ITFG1: variants seen among roughly 807,000 people sequenced by gnomAD.
ITFG1 encodes integrin alpha FG-GAP repeat containing 1, also known as T-cell immunomodulatory protein.
Under a neutral mutation model 81.8 loss-of-function variants are expected in ITFG1, and 34 were observed. That is an observed-to-expected ratio of 0.42 (90% CI 0.32 to 0.55). ITFG1 has a LOEUF of 0.55. ITFG1 is among the 20% of genes least tolerant of loss of function. ITFG1 has a pLI of 0.17. For synonymous variants in ITFG1, 285 were observed against 270.6 expected, an observed-to-expected ratio of 1.05 and a Z score of -0.52; for missense variants, 672 against 755.4, an observed-to-expected ratio of 0.89 and a Z score of 1.29.
intron 5 of ITFG1, among the ~76,000 whole-genome samples, chr16:47,441,243 C>G (rs1391944805): frequency 6.6e-6 from 1 of 152,128 alleles, no homozygotes; most frequent in Non-Finnish European, 1.5e-5. Flanking sequence ...CAAATTCTAC[C>G]AGAGGTACAA....
chr16:47,358,147 C>T (rs1307285220), intron 8 of ITFG1, among the ~76,000 whole-genome samples: 1 of 152,212 alleles, frequency 6.6e-6, no homozygotes, highest in Non-Finnish European at 1.5e-5. Context: ...CACCTCACCA[C>T]TTTGGGTGCT....
chr16:47,423,446 T>C (rs996290579), intron 6 of ITFG1, among the ~76,000 whole-genome samples: 1 of 152,170 alleles, frequency 6.6e-6, no homozygotes, highest in Admixed American at 6.5e-5. Context: ...AAGATTGATA[T>C]TGTTATGTCT....
At chr16:47,362,460 T>C (rs1309259021) in intron 8 of ITFG1, among the ~76,000 whole-genome samples, 2 of 152,250 alleles carry the variant, frequency 1.3e-5, no homozygotes, top group Non-Finnish European at 2.9e-5. Flanking sequence ...AAAATTGTTC[T>C]ACTATTTCCC....
At chr16:47,265,053 A>G (rs1288930543) in intron 10 of ITFG1, among the ~76,000 whole-genome samples, 3 of 152,122 alleles carry the variant, frequency 2.0e-5, no homozygotes, top group Non-Finnish European at 4.4e-5. Flanking sequence ...AATACATTGT[A>G]AAGTGTTCAG....
intron 7 of ITFG1, among the ~76,000 whole-genome samples, chr16:47,371,709 C>T (rs1455336465): frequency 6.6e-6 from 1 of 152,096 alleles, no homozygotes; most frequent in African/African-American, 2.4e-5. Context: ...GAACATCTGG[C>T]AATGTCTGCA....
At chr16:47,206,826 T>C (rs1161749905) in intron 14 of ITFG1, among the ~76,000 whole-genome samples, 2 of 152,194 alleles carry the variant, frequency 1.3e-5, no homozygotes, top group South Asian at 2.1e-4. Flanking sequence ...TGCTGGCATC[T>C]TGTGCCTGAA....
intron 10 of ITFG1, among the ~76,000 whole-genome samples, chr16:47,305,505 G>GA (rs1202114130): frequency 4.0e-5 from 6 of 151,252 alleles, no homozygotes; most frequent in African/African-American, 7.3e-5. Flanking sequence ...AATTAACTAA[G>GA]AAAAAAAACC....
At chr16:47,328,004 C>G (rs879180331) in intron 8 of ITFG1, among the ~76,000 whole-genome samples, 1 of 152,046 alleles carries the variant, frequency 6.6e-6, no homozygotes, top group Non-Finnish European at 1.5e-5. Flanking sequence ...AATAATGCTG[C>G]TATAGACACA....
intron 14 of ITFG1, among the ~76,000 whole-genome samples, chr16:47,188,358 C>T (rs919066693): frequency 3.0e-4 from 46 of 151,762 alleles, no homozygotes; most frequent in Admixed American, 6.6e-4. Context: ...GACTTGGAAC[C>T]AACCCAAATG....
chr16:47,454,352 T>C (rs1248860988), intron 2 of ITFG1, among the ~76,000 whole-genome samples, 194 bp from the exon 3 acceptor site: 1 of 152,212 alleles, frequency 6.6e-6, no homozygotes, highest in African/African-American at 2.4e-5. Context: ...TCAGAATGAA[T>C]GCAGAATAGT....
intron 8 of ITFG1, among the ~76,000 whole-genome samples, chr16:47,358,351 A>G (rs1481530812): frequency 6.6e-6 from 1 of 152,258 alleles, no homozygotes; most frequent in Non-Finnish European, 1.5e-5. Flanking sequence ...AAACAAAAGG[A>G]TATTAAGAAG....
At chr16:47,330,994 A>T (rs1035333897) in intron 8 of ITFG1, among the ~76,000 whole-genome samples, 6 of 152,194 alleles carry the variant, frequency 3.9e-5, no homozygotes, top group Non-Finnish European at 8.8e-5. Context: ...AGGAAAATAA[A>T]TTGTTCTACC....
At chr16:47,183,887 G>GA (rs1965170204) in intron 14 of ITFG1, among the ~76,000 whole-genome samples, 1 of 152,010 alleles carries the variant, frequency 6.6e-6, no homozygotes, top group African/African-American at 2.4e-5. Flanking sequence ...TGAAAACTTT[G>GA]AAAAAAATTT....
chr16:47,178,272 AC>A (rs1187015563), intron 14 of ITFG1, among the ~76,000 whole-genome samples: 1 of 152,196 alleles, frequency 6.6e-6, no homozygotes, highest in African/African-American at 2.4e-5. Context: ...TTTTACTTGG[AC>A]TTTGGGAAAA....
At chr16:47,345,055 G>GA (rs982422848) in intron 8 of ITFG1, among the ~76,000 whole-genome samples, 6 of 152,144 alleles carry the variant, frequency 3.9e-5, no homozygotes, top group African/African-American at 1.4e-4. Flanking sequence ...GAACTCCCAG[G>GA]AAAGTGGGGG....
intron 5 of ITFG1, among the ~76,000 whole-genome samples, chr16:47,436,866 G>A (rs1220400297): frequency 6.6e-6 from 1 of 152,100 alleles, no homozygotes; most frequent in Non-Finnish European, 1.5e-5. Context: ...CAATTTTTGA[G>A]AAGTAAACCA....
chr16:47,224,508 C>T (rs1965734896), intron 13 of ITFG1, among the ~76,000 whole-genome samples: 1 of 151,996 alleles, frequency 6.6e-6, no homozygotes, highest in South Asian at 2.1e-4. Context: ...AGTGGCAACA[C>T]ACAACAAAAA....
intron 14 of ITFG1, among the ~76,000 whole-genome samples, chr16:47,207,456 T>C (rs1319546553): frequency 6.6e-6 from 1 of 152,140 alleles, no homozygotes; most frequent in East Asian, 1.9e-4. Flanking sequence ...TGGCACAAGA[T>C]GAAGTACAGA....
chr16:47,355,912 G>GA, intron 8 of ITFG1, among the ~76,000 whole-genome samples: 1 of 152,308 alleles, frequency 6.6e-6, no homozygotes, highest in Non-Finnish European at 1.5e-5. Context: ...ACAGGGAGCA[G>GA]ATGGAGAAGA....
Sources: allele counts gnomAD v4.1 joint callset (sites outside exome capture counted in the v4.1 genomes callset), GRCh38; gene constraint gnomAD v4.1.1; transcripts MANE v1.5; gene names NCBI Gene and HGNC (gene_info 2026-07-23, HGNC 2026-07-21).